HECTD4: variants seen among roughly 807,000 people sequenced by gnomAD.
HECTD4 encodes probable E3 ubiquitin-protein ligase HECTD4.
Under a neutral mutation model 471.5 loss-of-function variants are expected in HECTD4, and 114 were observed. The observed-to-expected ratio is 0.24, with a 90% CI of 0.21 to 0.28. The LOEUF is 0.28. HECTD4 is among the 10% of genes least tolerant of loss of function. The probability of loss-of-function intolerance (pLI) is 1.00; values close to 1 mark genes in which losing one functional copy is unlikely to be tolerated. For synonymous variants in HECTD4, 2,012 were observed against 2,256.0 expected (o/e 0.89, Z 3.07); for missense variants, 3,866 against 5,651.5 (o/e 0.68, Z 10.13).
intron 1 of HECTD4, among the ~76,000 whole-genome samples, chr12:112,337,477 G>T (rs976659329): frequency 6.6e-6 from 1 of 152,124 alleles, no homozygotes; most frequent in African/African-American, 2.4e-5. Flanking sequence ...AGCCAAAAAA[G>T]ATTTTGTATG....
At chr12:112,217,299 A>G in intron 45 of HECTD4, 104 bp from the exon 46 acceptor site, 1 of 667,122 alleles carries the variant, frequency 1.5e-6, no homozygotes, top group Non-Finnish European at 2.4e-6. Context: ...AAATATAGGC[A>G]TACACACACA....
rs559778760 is a variant in HECTD4, at chr12:112,271,490, A to T, written c.1943-1031T>A. On this transcript the variant is annotated intron_variant, in intron 11 of 75. Coordinates refer to ENST00000682272, the MANE Select transcript of HECTD4 (RefSeq NM_001388303.1). ...ATATCATGTACCTTGGAATAGAAGT[A>T]ATGTGAAGGGGATACCTCTTCTGTG... 2.6e-5 allele frequency among the ~76,000 whole-genome samples: 4 copies of T among 152,354 alleles called. No homozygotes were observed. The East Asian group carries it at 7.7e-4, about 29-fold the overall frequency.
In HECTD4 at chr12:112,200,628, C is replaced by T. The variant is rs773490638; in HGVS notation, c.8567+10G>A. The T allele has an allele frequency of 2.5e-6, 4 of 1,604,692 alleles. No homozygotes were observed. The South Asian group carries it at 3.3e-5, about 13-fold the overall frequency. On this transcript the variant is annotated intron_variant, in intron 55 of 75. Transcript: ENST00000682272. ...TCTGTGACCCAGTAGAAAGAAGGGC[C>T]CAATTGTACCTGTGAATTTGAAGGT...
intron 1 of HECTD4, among the ~76,000 whole-genome samples, chr12:112,372,912 G>C (rs528340708): frequency 7.3e-5 from 11 of 151,650 alleles, no homozygotes; most frequent in Admixed American, 7.2e-4. Flanking sequence ...ATGCCACCAC[G>C]CCCAGCTAAT....
chr12:112,318,655 T>C (rs1171257110), intron 2 of HECTD4, among the ~76,000 whole-genome samples: 1 of 152,222 alleles, frequency 6.6e-6, no homozygotes, highest in Non-Finnish European at 1.5e-5. Context: ...ATTACAAGCG[T>C]GAGCCACCAC....
intron 1 of HECTD4, among the ~76,000 whole-genome samples, chr12:112,376,850 C>T (rs1384810845): frequency 3.3e-5 from 5 of 152,250 alleles, no homozygotes; most frequent in African/African-American, 9.6e-5. Flanking sequence ...CAGTGGCTGA[C>T]GCCTGTAATC....
Position 112,216,348 on chromosome 12 carries a change from T to C in HECTD4, c.7409A>G (p.Asn2470Ser). 1.9e-6 allele frequency: 3 copies of C among 1,555,318 alleles called. No individual in the cohort carries two copies. Among genetic ancestry groups the C allele is most frequent in the African/African-American group, 1.4e-5 (1 of 73,370 alleles). Reference protein sequence around the residue: ...FHNNGRAVHYNGSSLLQWKSV... With the variant: ...FHNNGRAVHYSGSSLLQWKSV... ...CTTCCACTGTAACAAACTGGAGCCATTATAGTGCACGGCTCGGCCGTTGCT... is the reference window on the plus strand; with the variant it reads ...CTTCCACTGTAACAAACTGGAGCCACTATAGTGCACGGCTCGGCCGTTGCT... The change falls in exon 48 of 76, where the codon AAT (asparagine) becomes AGT (serine). Residue 2470 changes from asparagine (N) to serine (S), a missense_variant. Transcript: ENST00000682272.
In HECTD4 at chr12:112,193,516, C is replaced by T. The variant is rs780682466; in HGVS notation, c.8908G>A (p.Glu2970Lys). ...VAITRTLHQG[E>K]ESLLELTKQI... Reference sequence around the variant, plus strand: ...TTCGTCAGCTCTAAAAGGCTCTCCTCGCCCTGGTGCAGGGTCCGGGTGATG... The same window carrying T: ...TTCGTCAGCTCTAAAAGGCTCTCCTTGCCCTGGTGCAGGGTCCGGGTGATG... The change falls in exon 57 of 76, where the codon GAG becomes AAG. Residue 2970 changes from glutamate to lysine, a missense_variant. Coordinates refer to ENST00000682272, the MANE Select transcript of HECTD4 (RefSeq NM_001388303.1). The surrounding 1 kb of genome is among the most constrained non-coding windows in gnomAD (Gnocchi z 5.2). 8.7e-6 allele frequency: 14 copies of T among 1,611,854 alleles called. No individual in the cohort carries two copies. Among genetic ancestry groups the T allele is most frequent in the Admixed American group, 1.7e-5 (1 of 59,698 alleles).
At position 112,239,675 on chromosome 12, in the gene HECTD4, C is replaced by T. The variant is rs898148862; in HGVS notation, c.5105+206G>A. 2.6e-5 allele frequency among the ~76,000 whole-genome samples: 4 copies of T among 152,076 alleles called. No individual in the cohort carries two copies. The highest frequency in any genetic ancestry group is 9.7e-5 in the African/African-American group (4 of 41,388). On this transcript the variant is annotated intron_variant, in intron 33 of 75. Transcript: ENST00000682272. The surrounding 1 kb of genome is among the most constrained non-coding windows in gnomAD (Gnocchi z 4.9). ...TCTGTATCTTCACAATGTAATATAA[C>T]CCTAATGGCTGCATTTAGTCATGTT...
At chr12:112,211,424 C>T (rs562403276) in intron 49 of HECTD4, among the ~76,000 whole-genome samples, 2 of 151,608 alleles carry the variant, frequency 1.3e-5, no homozygotes, top group East Asian at 3.9e-4. Context: ...ATGCATGACA[C>T]GAGAAGCCAC....
intron 17 of HECTD4, among the ~76,000 whole-genome samples, chr12:112,263,707 T>TATATATATATATATATATATATATA (rs1566091576): frequency 7.3e-6 from 1 of 137,840 alleles, no homozygotes; most frequent in Admixed American, 7.3e-5. Flanking sequence ...CCCAAGATTT[T>TATATATATATATATATATATATATA]TATATATATA....
chr12:112,328,669 C>G (rs1235282085), intron 1 of HECTD4, among the ~76,000 whole-genome samples: 1 of 152,182 alleles, frequency 6.6e-6, no homozygotes, highest in African/African-American at 2.4e-5. Context: ...AAGCCCAAAT[C>G]CAGGGTGGAT....
At chr12:112,217,336 T>TACACACACACACACACATAC (rs2032951048) in intron 45 of HECTD4, 141 bp from the exon 46 acceptor site, 1 of 372,346 alleles carries the variant, frequency 2.7e-6, no homozygotes, top group African/African-American at 2.1e-5. Context: ...CACACACACA[T>TACACACACACACACACATAC]ACACACACAC....
chr12:112,241,701 C>G (rs914059701), intron 32 of HECTD4, among the ~76,000 whole-genome samples: 1 of 152,172 alleles, frequency 6.6e-6, no homozygotes. Context: ...CTCAAGTGAT[C>G]CTCCTGCTTT....
At position 112,173,942 on chromosome 12, in the gene HECTD4, A is replaced by G. The variant is rs538079748; in HGVS notation, c.11595-1081T>C. Among the ~76,000 whole-genome samples the G allele has an allele frequency of 2.6e-5, 4 of 152,092 alleles. No homozygotes were observed. Among genetic ancestry groups the G allele is most frequent in the Non-Finnish European group, 4.4e-5 (3 of 68,008 alleles). ...TTCTCAATTCTGAAAATGGATTTTT[A>G]AAAAAAGCATGTTTTGGTAGCCATT... On this transcript the variant is annotated intron_variant, in intron 66 of 75. Transcript: ENST00000682272. The surrounding 1 kb of genome is among the most constrained non-coding windows in gnomAD (Gnocchi z 4.3).
chr12:112,195,449 T>C (rs2135526078), intron 55 of HECTD4, among the ~76,000 whole-genome samples: 1 of 152,306 alleles, frequency 6.6e-6, no homozygotes, highest in South Asian at 2.1e-4. Context: ...AAGACTGACA[T>C]ACGCCACAAT....
At chr12:112,362,612 T>G (rs1273936810) in intron 1 of HECTD4, among the ~76,000 whole-genome samples, 1 of 152,178 alleles carries the variant, frequency 6.6e-6, no homozygotes, top group Non-Finnish European at 1.5e-5. Context: ...TAATACTGGC[T>G]GCTGCTGGGA....
At chr12:112,298,643 G>A (rs528049440) in intron 7 of HECTD4, among the ~76,000 whole-genome samples, 5 of 151,870 alleles carry the variant, frequency 3.3e-5, no homozygotes, top group Admixed American at 2.6e-4. Flanking sequence ...AGCACTTTGG[G>A]AGGTCAAGCC....
chr12:112,273,916 C>A, intron 10 of HECTD4, 121 bp from the exon 11 acceptor site: 1 of 1,072,146 alleles, frequency 9.3e-7, no homozygotes. Context: ...CAACCCACAA[C>A]CCTAGTCCCA....
Sources: allele counts gnomAD v4.1 joint callset (sites outside exome capture counted in the v4.1 genomes callset), GRCh38; gene constraint gnomAD v4.1.1; non-coding constraint Gnocchi (gnomAD v3.1); transcripts MANE v1.5; gene names NCBI Gene and HGNC (gene_info 2026-07-23, HGNC 2026-07-21).